NAV1: variants seen among roughly 807,000 people sequenced by gnomAD.
NAV1 encodes the protein neuron navigator 1.
In NAV1, 18 loss-of-function variants were observed where a neutral mutation model predicts 175.2. That is an observed-to-expected ratio of 0.10 (90% CI 0.07 to 0.15). The LOEUF is 0.15. Ranked by LOEUF, NAV1 falls within the 10% of genes least tolerant of loss-of-function variation. The pLI, the probability that NAV1 is intolerant of heterozygous loss-of-function variation, is 1.00. For synonymous variants in NAV1, 897 were observed against 978.7 expected (o/e 0.92, Z 1.56); for missense variants, 1,731 against 2,436.6 (o/e 0.71, Z 6.10).
At chr1:201,620,303 T>G (rs1305560055), upstream of NAV1, among the ~76,000 whole-genome samples, 1 of 152,214 alleles carries the variant, frequency 6.6e-6, no homozygotes, top group Non-Finnish European at 1.5e-5. Flanking sequence ...TCCTTTGTCT[T>G]CATCTTCATC....
chr1:201,783,950 C>A, intron 7 of NAV1, 98 bp downstream of exon 11: 1 of 1,182,954 alleles, frequency 8.5e-7, no homozygotes. Context: ...CATTTTGTGA[C>A]TTTTGACATT....
intron 1 of NAV1, among the ~76,000 whole-genome samples, chr1:201,685,331 A>G (rs1409238447): frequency 6.6e-6 from 1 of 152,250 alleles, no homozygotes; most frequent in Non-Finnish European, 1.5e-5. Context: ...GAAACACTGT[A>G]GCAAGCACTC....
chr1:201,705,309 T>C (rs1169192039), intron 1 of NAV1, among the ~76,000 whole-genome samples: 1 of 152,224 alleles, frequency 6.6e-6, no homozygotes, highest in Admixed American at 6.5e-5. Flanking sequence ...TGCATGCTCC[T>C]CTCTCTGGCC....
chr1:201,657,694 C>T (rs890345142), intron 1 of NAV1, among the ~76,000 whole-genome samples: 1 of 152,154 alleles, frequency 6.6e-6, no homozygotes, highest in Non-Finnish European at 1.5e-5. Context: ...CACAATAATT[C>T]TATGATCCTG....
chr1:201,623,690 G>A (rs2102281035), intron 1 of NAV1, 84 bp downstream of exon 3: 1 of 983,948 alleles, frequency 1.0e-6, no homozygotes. Flanking sequence ...AGGGACCCTG[G>A]TGATCAGTGG....
At chr1:201,769,209 C>T (rs896765931) in intron 3 of NAV1, among the ~76,000 whole-genome samples, 4 of 152,218 alleles carry the variant, frequency 2.6e-5, no homozygotes, top group Non-Finnish European at 5.9e-5. Flanking sequence ...AACACTTGCA[C>T]TATGAAAAAT....
intron 1 of NAV1, among the ~76,000 whole-genome samples, chr1:201,670,189 AGACCACGGT>A (rs1273101473): frequency 6.6e-6 from 1 of 151,502 alleles, no homozygotes; most frequent in Non-Finnish European, 1.5e-5. Context: ...CAGGAGATCA[AGACCACGGT>A]GAAACCCCAT....
intron 1 of NAV1, among the ~76,000 whole-genome samples, chr1:201,671,714 G>C (rs564355426): frequency 6.6e-6 from 1 of 152,270 alleles, no homozygotes; most frequent in East Asian, 1.9e-4. Context: ...CTAGGCAGTG[G>C]GCATTTCTCA....
At chr1:201,631,257 G>C (rs1467599669) in intron 2 of NAV1, among the ~76,000 whole-genome samples, 3 of 152,198 alleles carry the variant, frequency 2.0e-5, no homozygotes, top group African/African-American at 7.2e-5. Context: ...TGGGTTGGAT[G>C]GGGAGAGAGA....
At position 201,784,765 on chromosome 1, in the gene NAV1, G is replaced by T. The variant is rs532599817; in HGVS notation, c.2805-545G>T. On this transcript the variant is annotated intron_variant, in intron 7 of 29. Transcript: ENST00000367296. ...TTTCTTTTTTGTTTGTTTGTTTTTT[G>T]TTGTTGTTGTTGTTGTTTTGAGACG... 1.4e-3 allele frequency among the ~76,000 whole-genome samples: 206 copies of T among 151,304 alleles called. 1 individual carries two copies. Among genetic ancestry groups the T allele is most frequent in the African/African-American group, 3.8e-3 (157 of 41,168 alleles).
chr1:201,790,921 G>A, intron 13 of NAV1, 155 bp downstream of exon 17: 1 of 674,460 alleles, frequency 1.5e-6, no homozygotes, highest in Non-Finnish European at 2.5e-6. Context: ...GAAGACGAGG[G>A]GATTGTTCTT....
intron 28 of NAV1, among the ~76,000 whole-genome samples, chr1:201,816,253 C>T (rs1679022178): frequency 6.6e-6 from 1 of 152,094 alleles, no homozygotes; most frequent in Admixed American, 6.5e-5. Context: ...TGCCTGTAAT[C>T]CCAGCTAGTT....
chr1:201,653,134 C>T lies in NAV1; in HGVS notation c.757+3709C>T, dbSNP rs1669269531. 2.0e-5 allele frequency among the ~76,000 whole-genome samples: 3 copies of T among 152,148 alleles called. No individual in the cohort carries two copies. The South Asian group carries it at 6.2e-4, about 32-fold the overall frequency. ...ATCATAATGCCAAAAAAGCAGAAGC[C>T]GAACAATCACAAGTCGGGGACTGTC... On this transcript the variant is annotated intron_variant, in intron 1 of 29. Coordinates refer to ENST00000367296, the Ensembl canonical transcript of NAV1.
At chr1:201,824,763 AG>A (rs1679579591) in exon 30 of NAV1, 1 of 152,140 alleles carries the variant, frequency 6.6e-6, no homozygotes, top group Non-Finnish European at 1.5e-5. Flanking sequence ...CATTCCTTAA[AG>A]CAGTGGTTCG....
intron 1 of NAV1, among the ~76,000 whole-genome samples, chr1:201,569,098 C>G (rs1363455990): frequency 6.6e-6 from 1 of 152,184 alleles, no homozygotes; most frequent in African/African-American, 2.4e-5. Context: ...ACTCCCCCAG[C>G]CCCTAGAACT....
In NAV1 at chr1:201,808,601, C is replaced by G; in HGVS notation, c.4029C>G (p.His1343Gln). 6.2e-7 allele frequency: 1 copy of G among 1,614,258 alleles called. No homozygotes were observed. The highest frequency in any genetic ancestry group is 8.5e-7 in the Non-Finnish European group (1 of 1,180,044). Residue 1343 changes from histidine (H) to glutamine (Q), a missense_variant, in exon 19 of 30, where the codon CAC (histidine) becomes CAG (glutamine). This residue lies in a region of NAV1 where 18 missense variants were observed against 56.2 expected (regional missense o/e 0.32). Transcript: ENST00000367296. The surrounding 1 kb of genome is among the most constrained non-coding windows in gnomAD (Gnocchi z 5.5). ...TGGATCAGCTTCGGGAGACCATGCA[C>G]AACATGCAGGTCAGTGTCTGGGCGG...
chr1:201,628,742 G>A (rs987502725), intron 1 of NAV1, among the ~76,000 whole-genome samples: 16 of 152,180 alleles, frequency 1.1e-4, no homozygotes, highest in African/African-American at 3.9e-4. Context: ...TTGTTCCTGG[G>A]AGCAACTGTA....
At chr1:201,756,832 CTT>C (rs1553267231) in intron 3 of NAV1, among the ~76,000 whole-genome samples, 1 of 64,956 alleles carries the variant, frequency 1.5e-5, no homozygotes, top group Non-Finnish European at 4.9e-5. Flanking sequence ...TTCTTTCTTT[CTT>C]TCTTTCTTTC....
intron 3 of NAV1, among the ~76,000 whole-genome samples, chr1:201,771,073 A>G (rs192927320): frequency 2.0e-5 from 3 of 152,218 alleles, no homozygotes; most frequent in Non-Finnish European, 4.4e-5. Flanking sequence ...GCTGGATGGC[A>G]TAGAGAGATC....
Sources: gnomAD v4.1 joint callset for allele counts (sites outside exome capture counted in the v4.1 genomes callset) on GRCh38, gnomAD v4.1.1 for gene constraint, gnomAD v4.1.1 regional missense constraint, Gnocchi (gnomAD v3.1) non-coding constraint, MANE v1.5 for transcripts, NCBI Gene and HGNC (gene_info 2026-07-23, HGNC 2026-07-21) for gene names.